ZBTB7C: variants seen among roughly 807,000 people sequenced by gnomAD.
ZBTB7C encodes the protein zinc finger and BTB domain-containing protein 7C.
In ZBTB7C, 8 loss-of-function variants were observed where a neutral mutation model predicts 25.7. That is an observed-to-expected ratio of 0.31 (90% CI 0.18 to 0.56). ZBTB7C has a LOEUF of 0.56. Ranked by LOEUF, ZBTB7C falls within the 20% of genes least tolerant of loss-of-function variation. The pLI, the probability that ZBTB7C is intolerant of heterozygous loss-of-function variation, is 0.91. For synonymous variants in ZBTB7C, 394 were observed against 369.0 expected, an observed-to-expected ratio of 1.07 and a Z score of -0.78; for missense variants, 824 against 855.2, an observed-to-expected ratio of 0.96 and a Z score of 0.46.
intron 4 of ZBTB7C, among the ~76,000 whole-genome samples, chr18:48,033,478 G>A (rs761463914): frequency 1.3e-5 from 2 of 152,244 alleles, no homozygotes; most frequent in African/African-American, 4.8e-5. Context: ...GAAGACTGGG[G>A]TATGCCAATG....
At position 48,361,829 on chromosome 18, in the gene ZBTB7C, T is replaced by G. The variant is rs565077384; in HGVS notation, c.-303-23431A>C. 5.3e-5 allele frequency among the ~76,000 whole-genome samples: 8 copies of G among 152,290 alleles called. No individual in the cohort carries two copies. The South Asian group carries it at 1.5e-3, about 28-fold the overall frequency. ...GGAGGAAAAGACAATCCCTGAAGGT[T>G]CATGGGATAAGCCAGGGAGAGGAAG... On this transcript the variant is annotated intron_variant, in intron 1 of 4. Transcript: ENST00000590800.
chr18:48,204,332 C>CT (rs1237146231), intron 2 of ZBTB7C, among the ~76,000 whole-genome samples: 1 of 152,176 alleles, frequency 6.6e-6, no homozygotes, highest in Non-Finnish European at 1.5e-5. Flanking sequence ...CCACACGGAT[C>CT]TTTTTACCTA....
At chr18:48,299,694 G>A (rs1395362127) in intron 2 of ZBTB7C, among the ~76,000 whole-genome samples, 2 of 152,330 alleles carry the variant, frequency 1.3e-5, no homozygotes, top group African/African-American at 2.4e-5. Flanking sequence ...GGGAAAGGGA[G>A]GATGAAGAGG....
chr18:48,223,042 C>T (rs565963029), intron 2 of ZBTB7C, among the ~76,000 whole-genome samples: 1 of 152,222 alleles, frequency 6.6e-6, no homozygotes, highest in African/African-American at 2.4e-5. Context: ...AACAAACACA[C>T]CAATAAATCC....
At chr18:48,031,371 G>C (rs1176228728) in intron 4 of ZBTB7C, among the ~76,000 whole-genome samples, 11 of 152,010 alleles carry the variant, frequency 7.2e-5, no homozygotes, top group Admixed American at 6.5e-4. Context: ...AGGGAAGTGG[G>C]GTCACCCTCT....
intron 2 of ZBTB7C, among the ~76,000 whole-genome samples, chr18:48,220,162 AG>A (rs34278521): frequency 0.39 from 58,633 of 151,970 alleles, 11,565 homozygotes; most frequent in East Asian, 0.67. Context: ...TGAAGGTGCC[AG>A]CCCCAGTTCC....
At chr18:48,041,947 C>T (rs1022560308) in intron 3 of ZBTB7C, among the ~76,000 whole-genome samples, 1 of 152,144 alleles carries the variant, frequency 6.6e-6, no homozygotes, top group African/African-American at 2.4e-5. Context: ...TGGTGAGAAG[C>T]GTCTTCTGAG....
At chr18:48,255,898 T>G (rs2044007607) in intron 2 of ZBTB7C, among the ~76,000 whole-genome samples, 1 of 144,542 alleles carries the variant, frequency 6.9e-6, no homozygotes, top group Admixed American at 6.8e-5. Context: ...CCCTCCCCTA[T>G]TTTCCAAAAA....
intron 4 of ZBTB7C, among the ~76,000 whole-genome samples, chr18:48,032,390 C>T (rs2144081295): frequency 7.1e-6 from 1 of 140,522 alleles, no homozygotes; most frequent in South Asian, 2.3e-4. Context: ...GTTAGGATTA[C>T]AGGCGTGAGC....
chr18:48,369,457 A>C (rs1057285428), intron 1 of ZBTB7C, among the ~76,000 whole-genome samples: 4 of 152,144 alleles, frequency 2.6e-5, no homozygotes, highest in African/African-American at 9.6e-5. Context: ...AGTACATGTA[A>C]ATGATCTAAA....
chr18:48,172,505 A>G (rs1326602452), intron 3 of ZBTB7C, among the ~76,000 whole-genome samples: 1 of 151,430 alleles, frequency 6.6e-6, no homozygotes, highest in African/African-American at 2.4e-5. Flanking sequence ...GATTCGGGTG[A>G]CCTCCTGGCC....
At chr18:48,369,991 G>A (rs2047348314) in intron 1 of ZBTB7C, among the ~76,000 whole-genome samples, 1 of 151,998 alleles carries the variant, frequency 6.6e-6, no homozygotes, top group Non-Finnish European at 1.5e-5. Flanking sequence ...ATCATATCCT[G>A]GGCCATAAAA....
intron 2 of ZBTB7C, among the ~76,000 whole-genome samples, chr18:48,268,271 G>A (rs1240891824): frequency 6.6e-6 from 1 of 152,188 alleles, no homozygotes; most frequent in African/African-American, 2.4e-5. Flanking sequence ...AGAAGACTAT[G>A]AAAGAAAATT....
At chr18:48,348,140 C>T (rs892960870) in intron 1 of ZBTB7C, among the ~76,000 whole-genome samples, 5 of 152,256 alleles carry the variant, frequency 3.3e-5, no homozygotes, top group South Asian at 4.1e-4. Context: ...CTTGAGTTGG[C>T]ACCTACTTCC....
At chr18:48,112,142 T>C (rs987700045) in intron 3 of ZBTB7C, among the ~76,000 whole-genome samples, 4 of 152,120 alleles carry the variant, frequency 2.6e-5, no homozygotes, top group Admixed American at 6.5e-5. Flanking sequence ...TGTGTACAAA[T>C]AGTTGTACAG....
intron 2 of ZBTB7C, among the ~76,000 whole-genome samples, chr18:48,292,605 TA>T (rs2045264819): frequency 1.3e-5 from 2 of 152,166 alleles, no homozygotes; most frequent in African/African-American, 2.4e-5. Flanking sequence ...CTGCTGCAGG[TA>T]GCCAACCTGG....
chr18:48,057,940 C>T (rs924334824), intron 3 of ZBTB7C, among the ~76,000 whole-genome samples: 9 of 152,150 alleles, frequency 5.9e-5, no homozygotes, highest in Non-Finnish European at 1.2e-4. Flanking sequence ...GTCTACTGCA[C>T]GGTAATGTCC....
At chr18:48,064,113 G>C (rs916001581) in intron 3 of ZBTB7C, among the ~76,000 whole-genome samples, 1 of 152,174 alleles carries the variant, frequency 6.6e-6, no homozygotes, top group Non-Finnish European at 1.5e-5. Context: ...TTGGCTCCAT[G>C]CATATGCAGC....
chr18:48,364,870 C>T (rs1290696830), intron 1 of ZBTB7C, among the ~76,000 whole-genome samples: 1 of 152,100 alleles, frequency 6.6e-6, no homozygotes, highest in Non-Finnish European at 1.5e-5. Context: ...AAATTATAAA[C>T]CCAAAGTTTT....
Sources: gnomAD v4.1 joint callset for allele counts (sites outside exome capture counted in the v4.1 genomes callset) on GRCh38, gnomAD v4.1.1 for gene constraint, MANE v1.5 for transcripts, NCBI Gene and HGNC (gene_info 2026-07-23, HGNC 2026-07-21) for gene names.